The following POU2F3 variants were observed in gnomAD, a reference collection of about 807,000 sequenced individuals.
The protein encoded by POU2F3 is POU class 2 homeobox 3.
A neutral mutation model predicts 59.2 loss-of-function variants in POU2F3; 23 were observed. The observed-to-expected ratio is 0.39, with a 90% CI of 0.28 to 0.55. The LOEUF (loss-of-function observed/expected upper bound fraction) is 0.55, where lower values mean the gene tolerates loss of function less well. Ranked by LOEUF, POU2F3 falls within the 20% of genes least tolerant of loss-of-function variation. The probability of loss-of-function intolerance (pLI) is 0.66; values close to 1 mark genes in which losing one functional copy is unlikely to be tolerated. For missense variants in POU2F3, 473 were observed against 544.5 expected (o/e 0.87, Z 1.31); for synonymous variants, 190 against 214.6 (o/e 0.89, Z 1.00).
At chr11:120,284,847 C>G (rs557935891) in intron 3 of POU2F3, among the ~76,000 whole-genome samples, 103 of 152,286 alleles carry the variant, frequency 6.8e-4, no homozygotes, top group Non-Finnish European at 1.4e-3. Context: ...GGCCGTCTGT[C>G]CCCTGTTCTC....
chr11:120,266,453 A>G (rs1424406445), intron 2 of POU2F3, among the ~76,000 whole-genome samples: 1 of 150,392 alleles, frequency 6.6e-6, no homozygotes, highest in African/African-American at 2.5e-5. Context: ...TCTGCTTGGA[A>G]CTCTCAGATT....
chr11:120,243,838 C>T (rs746999949), intron 1 of POU2F3, among the ~76,000 whole-genome samples: 1 of 152,190 alleles, frequency 6.6e-6, no homozygotes, highest in Non-Finnish European at 1.5e-5. Context: ...GAAGTGGCAC[C>T]TTGTTGATCC....
intron 3 of POU2F3, among the ~76,000 whole-genome samples, chr11:120,296,980 G>A (rs554157231): frequency 6.6e-6 from 1 of 152,238 alleles, no homozygotes; most frequent in East Asian, 1.9e-4. Flanking sequence ...TTTTAACTTA[G>A]GTTAAACTAA....
chr11:120,258,440 A>G (rs1939448886), intron 2 of POU2F3, among the ~76,000 whole-genome samples: 1 of 152,192 alleles, frequency 6.6e-6, no homozygotes, highest in South Asian at 2.1e-4. Context: ...TGCTGGTCGC[A>G]TGACTTTTAG....
chr11:120,297,579 C>A (rs1941224635), intron 3 of POU2F3, among the ~76,000 whole-genome samples: 1 of 152,120 alleles, frequency 6.6e-6, no homozygotes, highest in African/African-American at 2.4e-5. Flanking sequence ...TTTGGGGTTT[C>A]ATAGATGAGA....
rs7120058 is a variant in POU2F3 at position 120,300,316 on chromosome 11, A to G, written c.361+590A>G. ...GGAGCTCTTCTGAGTAATTTTTCTG[A>G]CATTCCTCAAAATAACCTTGTAAAG... On this transcript the variant is annotated intron_variant, in intron 5 of 12. Coordinates refer to ENST00000543440, the MANE Select transcript of POU2F3 (RefSeq NM_014352.4). Among the ~76,000 whole-genome samples, 1,054 of 152,300 alleles carry G rather than the reference A, an allele frequency of 6.9e-3. 11 individuals carry two copies. The highest frequency in any genetic ancestry group is 0.024 in the African/African-American group (997 of 41,560).
chr11:120,309,032 C>CAG (rs1357841356), intron 9 of POU2F3, among the ~76,000 whole-genome samples: 2 of 146,338 alleles, frequency 1.4e-5, no homozygotes, highest in African/African-American at 5.1e-5. Flanking sequence ...AAGGGAGCAG[C>CAG]AGCTCTGGGG....
intron 2 of POU2F3, among the ~76,000 whole-genome samples, chr11:120,264,189 AT>A (rs1182405167): frequency 4.5e-5 from 6 of 132,842 alleles, no homozygotes; most frequent in Non-Finnish European, 9.4e-5. Flanking sequence ...ATAAGACCTC[AT>A]ACACACACAC....
At chr11:120,318,151 T>C (rs2135147016) in intron 12 of POU2F3, among the ~76,000 whole-genome samples, 1 of 152,354 alleles carries the variant, frequency 6.6e-6, no homozygotes, top group East Asian at 1.9e-4. Context: ...TCATATACCA[T>C]AAAATTCACC....
At chr11:120,255,077 T>TCTC (rs1166436390) in intron 2 of POU2F3, 1 of 152,310 alleles carries the variant, frequency 6.6e-6, no homozygotes, top group African/African-American at 2.4e-5. Context: ...CCCCCATGTG[T>TCTC]CTCCTTTCCT....
intron 11 of POU2F3, among the ~76,000 whole-genome samples, chr11:120,316,132 C>G (rs1941783951): frequency 6.6e-6 from 1 of 152,192 alleles, no homozygotes; most frequent in African/African-American, 2.4e-5. Context: ...CCTCGGCCTC[C>G]CAAAGTGCTG....
chr11:120,270,481 T>C (rs1364721583), intron 3 of POU2F3, among the ~76,000 whole-genome samples: 1 of 152,182 alleles, frequency 6.6e-6, no homozygotes, highest in African/African-American at 2.4e-5. Context: ...AGTCTGTCTC[T>C]GAAGGATGAG....
intron 3 of POU2F3, among the ~76,000 whole-genome samples, chr11:120,276,118 G>A (rs1392688848): frequency 6.6e-6 from 1 of 152,196 alleles, no homozygotes; most frequent in East Asian, 1.9e-4. Context: ...GGTCCGTGGT[G>A]ATGGCAGAGT....
At chr11:120,313,941 G>A (rs1941719197) in intron 10 of POU2F3, among the ~76,000 whole-genome samples, 1 of 152,218 alleles carries the variant, frequency 6.6e-6, no homozygotes, top group Non-Finnish European at 1.5e-5. Context: ...TTGAACCCAG[G>A]AGGCAGAGGT....
chr11:120,278,207 TGGGGCACTTGG>T (rs1392432631), intron 3 of POU2F3, among the ~76,000 whole-genome samples: 1 of 152,206 alleles, frequency 6.6e-6, no homozygotes, highest in African/African-American at 2.4e-5. Flanking sequence ...AGATGTCCGG[TGGGGCACTTGG>T]AAGTCATATA....
At chr11:120,258,892 G>T (rs370926269) in intron 2 of POU2F3, 2 of 152,246 alleles carry the variant, frequency 1.3e-5, no homozygotes, top group African/African-American at 4.8e-5. Context: ...ATCTCCTGTT[G>T]CATGGGAAGC....
chr11:120,246,648 A>G (rs542410230), intron 2 of POU2F3, 131 bp downstream of exon 2: 39 of 874,780 alleles, frequency 4.5e-5, no homozygotes, highest in Middle Eastern at 2.2e-4. Context: ...CTTAGGAACT[A>G]AGGGAATTCC....
chr11:120,258,218 C>T lies in POU2F3; in HGVS notation c.98-10992C>T, dbSNP rs144292007. Among the ~76,000 whole-genome samples, 462 of 152,274 alleles carry T rather than the reference C, an allele frequency of 3.0e-3. 2 individuals are homozygous for T. The highest frequency in any genetic ancestry group is 5.1e-3 in the Non-Finnish European group (346 of 68,028). The stretch of plus-strand genomic sequence containing the variant: ...TTTCGCTCTCTACCCCTTCTCACCC[C>T]CACTTTCCTCACCCTGGGGGAGAGG... On this transcript the variant is annotated intron_variant, in intron 2 of 12. Transcript: ENST00000543440.
chr11:120,306,688 G>A (rs1003949360), intron 8 of POU2F3, among the ~76,000 whole-genome samples: 4 of 152,110 alleles, frequency 2.6e-5, no homozygotes, highest in South Asian at 2.1e-4. Context: ...CTATTCAGTC[G>A]ATTCATATGG....
Sources: allele counts gnomAD v4.1 joint callset (sites outside exome capture counted in the v4.1 genomes callset), GRCh38; gene constraint gnomAD v4.1.1; transcripts MANE v1.5; gene names NCBI Gene and HGNC (gene_info 2026-07-23, HGNC 2026-07-21).